The following UBE3B variants were observed in gnomAD, a reference collection of about 807,000 sequenced individuals.
UBE3B encodes ubiquitin-protein ligase E3B.
UBE3B carries 80 observed loss-of-function variants against 132.3 expected under a neutral mutation model. The ratio of observed to expected loss-of-function variants is 0.60; its 90% CI spans 0.50 to 0.73. The LOEUF is 0.73. Ranked by LOEUF, UBE3B falls within the 30% of genes least tolerant of loss-of-function variation. The pLI is 0.00. For missense variants in UBE3B, 1,196 were observed against 1,362.5 expected, an observed-to-expected ratio of 0.88 and a Z score of 1.92; for synonymous variants, 487 against 520.4, an observed-to-expected ratio of 0.94 and a Z score of 0.87.
chr12:109,543,832 A>AT, the UBE3B span, among the ~76,000 whole-genome samples: 8 of 151,976 alleles, frequency 5.3e-5, no homozygotes, highest in African/African-American at 1.5e-4. Context: ...AGATTGTCTA[A>AT]TAAAAAAAAA....
At chr12:109,527,844 G>A (rs1434894993) in intron 24 of UBE3B, among the ~76,000 whole-genome samples, 5 of 152,198 alleles carry the variant, frequency 3.3e-5, no homozygotes, top group African/African-American at 1.2e-4. Context: ...TGGGTGTCAG[G>A]CTCAGAGGAG....
chr12:109,498,257 G>T lies in UBE3B; in HGVS notation c.844G>T (p.Asp282Tyr). 1.2e-6 allele frequency: 2 copies of T among 1,614,086 alleles called. No homozygotes were observed. Among genetic ancestry groups the T allele is most frequent in the South Asian group, 2.2e-5 (2 of 91,030 alleles). ...PERLTVLESHDMLRKFIIFLR... is the reference protein window; with the variant it reads ...PERLTVLESHYMLRKFIIFLR... ...GCGCCTCACTGTTTTAGAATCCCAT[G>T]ACATGCTTCGTAAATTCATCATATT... Residue 282 changes from aspartate (D) to tyrosine (Y), a missense_variant, in exon 11 of 28, where the codon GAC (aspartate) becomes TAC (tyrosine). Asp to Tyr is a radical substitution (Grantham distance 160). Coordinates refer to ENST00000342494, the MANE Select transcript of UBE3B (RefSeq NM_130466.4).
intron 8 of UBE3B, 116 bp downstream of exon 8, chr12:109,490,120 A>G (rs915441322): frequency 9.2e-7 from 1 of 1,085,872 alleles, no homozygotes; most frequent in African/African-American, 1.5e-5. Flanking sequence ...TTTTCATAGG[A>G]AGAGCTTGAT....
the UBE3B span, among the ~76,000 whole-genome samples, chr12:109,547,451 G>A: frequency 5.9e-5 from 9 of 152,356 alleles, no homozygotes; most frequent in East Asian, 7.7e-4. The surrounding 1 kb of genome is among the most constrained non-coding windows in gnomAD (Gnocchi z 4.1). Flanking sequence ...GTGCGCGTAC[G>A]CGCGCACACA....
intron 16 of UBE3B, among the ~76,000 whole-genome samples, chr12:109,509,916 C>T (rs1880144034): frequency 6.6e-6 from 1 of 152,158 alleles, no homozygotes; most frequent in Non-Finnish European, 1.5e-5. Flanking sequence ...TCTTGCTCTC[C>T]CAGGCTCCCT....
chr12:109,539,495 G>T (rs1440605160), downstream of UBE3B, among the ~76,000 whole-genome samples: 1 of 152,192 alleles, frequency 6.6e-6, no homozygotes, highest in African/African-American at 2.4e-5. Context: ...GATCTGGGAG[G>T]CCGGTGGAAA....
chr12:109,492,307 C>G (rs1877569528), intron 9 of UBE3B: 1 of 151,336 alleles, frequency 6.6e-6, no homozygotes. Flanking sequence ...ATTTCAAATG[C>G]TCAGCGGCCA....
chr12:109,492,403 T>TAG (rs576191716), intron 9 of UBE3B: 136 of 145,620 alleles, frequency 9.3e-4, no homozygotes, highest in African/African-American at 3.1e-3. Context: ...AAGGCTGACC[T>TAG]AGAGCAGGTC....
At chr12:109,508,824 A>G in intron 15 of UBE3B, 2 of 861,438 alleles carry the variant, frequency 2.3e-6, no homozygotes, top group African/African-American at 1.8e-5. Flanking sequence ...TCTTTCAAAC[A>G]TTTATTCATT....
chr12:109,514,236 G>A (rs954060745), intron 18 of UBE3B, among the ~76,000 whole-genome samples: 1 of 152,162 alleles, frequency 6.6e-6, no homozygotes, highest in Non-Finnish European at 1.5e-5. Context: ...TGTGGAGTGG[G>A]CAGAGGCTTT....
At chr12:109,529,105 G>A (rs1469814587) in intron 24 of UBE3B, among the ~76,000 whole-genome samples, 1 of 152,166 alleles carries the variant, frequency 6.6e-6, no homozygotes, top group African/African-American at 2.4e-5. Flanking sequence ...AGGTCGCAGT[G>A]AGCTGAGATC....
chr12:109,521,559 C>A lies in UBE3B; in HGVS notation c.2364+8C>A. 1.3e-6 allele frequency: 2 copies of A among 1,541,404 alleles called. No individual in the cohort carries two copies. The highest frequency in any genetic ancestry group is 1.2e-5 in the South Asian group (1 of 81,268). ...GGGAAGGCTGTGTATGAGGTAGGAA[C>A]GTTAAGAAACAGAGAAATGTAAAAT... On this transcript the variant is annotated splice_region_variant and intron_variant, in intron 21 of 27. Coordinates refer to ENST00000342494, the MANE Select transcript of UBE3B (RefSeq NM_130466.4). The surrounding 1 kb of genome is among the most constrained non-coding windows in gnomAD (Gnocchi z 4.2).
In UBE3B at chr12:109,522,705, T is replaced by G. The variant is rs1881856383; in HGVS notation, c.2364+1154T>G. ...TCTCTCTGTCTGGAAACAGTCTATGTGCACCGGCCTCAGTCCCTGGCCATG... is the reference window on the plus strand; with the variant it reads ...TCTCTCTGTCTGGAAACAGTCTATGGGCACCGGCCTCAGTCCCTGGCCATG... On this transcript the variant is annotated intron_variant, in intron 21 of 27. Coordinates refer to ENST00000342494, the MANE Select transcript of UBE3B (RefSeq NM_130466.4). The surrounding 1 kb of genome is among the most constrained non-coding windows in gnomAD (Gnocchi z 4.2). Among the ~76,000 whole-genome samples, 1 of 152,206 alleles carries G rather than the reference T, an allele frequency of 6.6e-6. No homozygotes were observed. Among genetic ancestry groups the G allele is most frequent in the Non-Finnish European group, 1.5e-5 (1 of 68,030 alleles).
rs752191578 is a variant in UBE3B at position 109,501,529 on chromosome 12, T to G, written c.1277T>G (p.Val426Gly). Residue 426 changes from valine to glycine, a missense_variant, in exon 13 of 28, where the codon GTG (valine) becomes GGG (glycine). Val to Gly is a moderately radical substitution (Grantham distance 109). Coordinates refer to ENST00000342494, the MANE Select transcript of UBE3B (RefSeq NM_130466.4). ...QPASPQNVLP[V>G]KSLLKRAFQK... ...GCATCCCCTCAGAATGTGCTCCCAG[T>G]GAAGAGTGAGTGACGGGAGCAGGCC... 2 of 1,613,386 alleles carry G rather than the reference T, an allele frequency of 1.2e-6. No individual in the cohort carries two copies. Among genetic ancestry groups the G allele is most frequent in the Non-Finnish European group, 1.7e-6 (2 of 1,179,700 alleles).
In UBE3B at chr12:109,507,785, C is replaced by T; in HGVS notation, c.1622+50C>T. ...ATTCCTTTCCTAGAATATGGAGAGA[C>T]CAAAATACAGTGTCAGTAAGGAAGT... On this transcript the variant is annotated intron_variant, in intron 15 of 27. Transcript: ENST00000342494. 3 of 1,566,742 alleles carry T rather than the reference C, an allele frequency of 1.9e-6. No individual in the cohort carries two copies. In the South Asian group the frequency reaches 3.5e-5, roughly 18 times the overall value.
intron 9 of UBE3B, among the ~76,000 whole-genome samples, chr12:109,495,318 T>TC (rs945988920): frequency 2.6e-5 from 4 of 152,248 alleles, no homozygotes; most frequent in Non-Finnish European, 4.4e-5. Context: ...ACCTTTTTTT[T>TC]CCCCTCTGTA....
At position 109,535,025 on chromosome 12, in the gene UBE3B, A is replaced by C; in HGVS notation, c.*243A>C. ...AAATAAACCTCCAGATTCCACCAACACGGGTCCATTCTTCCTGGTGATGGC... is the reference window on the plus strand; with the variant it reads ...AAATAAACCTCCAGATTCCACCAACCCGGGTCCATTCTTCCTGGTGATGGC... On this transcript the variant is annotated 3_prime_UTR_variant, in exon 28 of 28. Transcript: ENST00000342494. 3 of 366,282 alleles carry C rather than the reference A, an allele frequency of 8.2e-6. No homozygotes were observed. The highest frequency in any genetic ancestry group is 4.1e-5 in the East Asian group (1 of 24,466). 22.7% of individuals were successfully genotyped at this position (366,282 alleles called of 1,614,324 possible). A position where few individuals can be genotyped will look rare whatever the true frequency, so the allele number is the denominator to read the frequency against.
At chr12:109,512,801 A>G (rs567818590) in intron 18 of UBE3B, among the ~76,000 whole-genome samples, 3 of 152,182 alleles carry the variant, frequency 2.0e-5, no homozygotes, top group Non-Finnish European at 4.4e-5. Context: ...AACTCTCAGA[A>G]GTGAAGGGCC....
In UBE3B at chr12:109,488,803, C is replaced by T. The variant is rs1449185249; in HGVS notation, c.544+135C>T. 14 of 749,762 alleles carry T rather than the reference C, an allele frequency of 1.9e-5. No homozygotes were observed. The South Asian group carries it at 2.1e-4, about 11-fold the overall frequency. The allele number at this position is 749,762 out of a possible 1,614,324, so 46.4% of individuals were successfully genotyped here. On this transcript the variant is annotated intron_variant, in intron 7 of 27. Transcript: ENST00000342494. The stretch of plus-strand genomic sequence containing the variant: ...CTGAGACCATACAAATGAGGATGCC[C>T]TTGGTGCTGACCATCAGACTGCATC...
Sources: allele counts gnomAD v4.1 joint callset (sites outside exome capture counted in the v4.1 genomes callset), GRCh38; gene constraint gnomAD v4.1.1; non-coding constraint Gnocchi (gnomAD v3.1); transcripts MANE v1.5; gene names NCBI Gene and HGNC (gene_info 2026-07-23, HGNC 2026-07-21).